STOX2: variants seen among roughly 807,000 people sequenced by gnomAD.
STOX2 encodes the protein storkhead box 2.
In STOX2, 28 loss-of-function variants were observed where a neutral mutation model predicts 60.9. The observed-to-expected ratio is 0.46, with a 90% CI of 0.34 to 0.63. The LOEUF is 0.63. Ranked by LOEUF, STOX2 falls within the 30% of genes least tolerant of loss-of-function variation. The pLI is 0.01. For synonymous variants in STOX2, 472 were observed against 463.9 expected, an observed-to-expected ratio of 1.02 and a Z score of -0.22; for missense variants, 1,024 against 1,187.7, an observed-to-expected ratio of 0.86 and a Z score of 2.03.
chr4:184,018,200 A>G lies in STOX2; in HGVS notation c.*916A>G, dbSNP rs1235836714. Reference sequence around the variant, plus strand: ...GACCCTATCTTACTCTAATAGATACAATAATTAGTTTGTTTAAAAGCAAAA... The same window carrying G: ...GACCCTATCTTACTCTAATAGATACGATAATTAGTTTGTTTAAAAGCAAAA... On this transcript the variant is annotated 3_prime_UTR_variant, in exon 4 of 4. Coordinates refer to ENST00000308497, the MANE Select transcript of STOX2 (RefSeq NM_020225.3). The G allele has an allele frequency of 6.6e-6, 1 of 152,238 alleles. No individual in the cohort carries two copies. Among genetic ancestry groups the G allele is most frequent in the Non-Finnish European group, 1.5e-5 (1 of 68,048 alleles). 9.4% of individuals were successfully genotyped at this position (152,238 alleles called of 1,614,324 possible).
intron 1 of STOX2, among the ~76,000 whole-genome samples, chr4:183,805,677 G>T (rs924427077): frequency 2.6e-5 from 4 of 152,208 alleles, no homozygotes; most frequent in Admixed American, 6.5e-5. Flanking sequence ...GCTGAGCATG[G>T]TGCTGTGTGA....
chr4:183,880,145 A>G (rs892088498), intron 1 of STOX2, among the ~76,000 whole-genome samples: 34 of 151,820 alleles, frequency 2.2e-4, no homozygotes, highest in African/African-American at 8.2e-4. Flanking sequence ...TGCCCAGCTA[A>G]TTTTTGTATT....
intron 1 of STOX2, among the ~76,000 whole-genome samples, chr4:183,827,311 A>G (rs1489097081): frequency 6.6e-6 from 1 of 152,170 alleles, no homozygotes; most frequent in African/African-American, 2.4e-5. Flanking sequence ...TAGCCTGGGC[A>G]ACACAGCAAG....
At chr4:183,989,183 T>G (rs77175152) in intron 1 of STOX2, among the ~76,000 whole-genome samples, 52,560 of 116,860 alleles carry the variant, frequency 0.45, 10,143 homozygotes, top group African/African-American at 0.57. Flanking sequence ...TTTTTTTTTT[T>G]TTTTTTTTTT....
chr4:183,973,022 T>C (rs116095897), intron 1 of STOX2, among the ~76,000 whole-genome samples: 4,366 of 151,954 alleles, frequency 0.029, 78 homozygotes, highest in Admixed American at 0.064. Context: ...GACTTGAAGA[T>C]AGAGCAATAG....
In STOX2 at chr4:183,856,356, AC is replaced by A. The variant is rs1740286366; in HGVS notation, c.364+58302del. Among the ~76,000 whole-genome samples the A allele has an allele frequency of 6.6e-6, 1 of 152,252 alleles. No individual in the cohort carries two copies. The highest frequency in any genetic ancestry group is 2.4e-5 in the African/African-American group (1 of 41,470). ...AGAAGAGCACCCTTCAGGAGAACAG[AC>A]GCAAATACGCACAAACAGTTGCAAA... On this transcript the variant is annotated intron_variant, in intron 1 of 2. Transcript: ENST00000513034. This position sits in a 1 kb window ranked among gnomAD's most constrained non-coding sequence, Gnocchi z 4.0.
At chr4:183,830,834 G>C (rs886102543) in intron 1 of STOX2, among the ~76,000 whole-genome samples, 5 of 152,174 alleles carry the variant, frequency 3.3e-5, no homozygotes, top group Non-Finnish European at 7.3e-5. Flanking sequence ...ACCAATAGGG[G>C]AAGACTGGGG....
intron 1 of STOX2, among the ~76,000 whole-genome samples, chr4:183,888,052 C>A (rs1560864756): frequency 2.0e-5 from 3 of 152,148 alleles, no homozygotes; most frequent in Admixed American, 1.3e-4. Context: ...CTGCGCCTGG[C>A]CCTGGTGCTC....
intron 1 of STOX2, among the ~76,000 whole-genome samples, chr4:183,962,471 A>C (rs1451066427): frequency 6.6e-6 from 1 of 152,252 alleles, no homozygotes; most frequent in African/African-American, 2.4e-5. Context: ...AAGATTAAGT[A>C]GAAGTGAAAG....
At chr4:183,808,414 G>T (rs1330571678) in intron 1 of STOX2, among the ~76,000 whole-genome samples, 1 of 152,162 alleles carries the variant, frequency 6.6e-6, no homozygotes, top group Admixed American at 6.5e-5. Context: ...ATATAGAACC[G>T]CAGAGACGGG....
chr4:183,938,464 T>C (rs1742649942), intron 1 of STOX2, among the ~76,000 whole-genome samples: 6 of 151,882 alleles, frequency 4.0e-5, no homozygotes, highest in Admixed American at 3.9e-4. Flanking sequence ...AAGTCAGGAG[T>C]TTGAGACCAG....
At chr4:183,910,275 C>T (rs4862265) in intron 1 of STOX2, among the ~76,000 whole-genome samples, 76,621 of 152,036 alleles carry the variant, frequency 0.5, 20,359 homozygotes, top group Non-Finnish European at 0.59. Context: ...GTAGAAGTTA[C>T]GATATTAATG....
chr4:183,900,972 C>T (rs751135904), upstream of STOX2, among the ~76,000 whole-genome samples: 1 of 152,174 alleles, frequency 6.6e-6, no homozygotes, highest in African/African-American at 2.4e-5. Context: ...TAACATTATG[C>T]ATCCATTACG....
At chr4:183,902,612 T>C (rs1741486922), upstream of STOX2, among the ~76,000 whole-genome samples, 1 of 152,090 alleles carries the variant, frequency 6.6e-6, no homozygotes, top group Non-Finnish European at 1.5e-5. Context: ...ATGACCAGAG[T>C]GACTCTTTCC....
chr4:183,835,354 G>C (rs1739680265), intron 1 of STOX2, among the ~76,000 whole-genome samples: 1 of 151,494 alleles, frequency 6.6e-6, no homozygotes, highest in African/African-American at 2.4e-5. Flanking sequence ...TTCCCGAGTA[G>C]CTGGGACTAC....
At chr4:183,939,770 C>G (rs1560893954) in intron 1 of STOX2, among the ~76,000 whole-genome samples, 1 of 152,078 alleles carries the variant, frequency 6.6e-6, no homozygotes, top group African/African-American at 2.4e-5. Flanking sequence ...GGATGTGCTT[C>G]TTAACTTCTC....
chr4:183,914,768 T>A (rs976529019), intron 1 of STOX2, among the ~76,000 whole-genome samples: 1 of 152,188 alleles, frequency 6.6e-6, no homozygotes, highest in East Asian at 1.9e-4. Flanking sequence ...AGAGCCCTCC[T>A]TGGGTTTCTG....
chr4:183,961,053 T>C (rs1209727896), intron 1 of STOX2, among the ~76,000 whole-genome samples: 1 of 152,110 alleles, frequency 6.6e-6, no homozygotes, highest in Non-Finnish European at 1.5e-5. Flanking sequence ...TCTCCAGGGT[T>C]TTGTCGGTTG....
chr4:183,846,292 A>G (rs181113564), intron 1 of STOX2, among the ~76,000 whole-genome samples: 6 of 152,280 alleles, frequency 3.9e-5, no homozygotes, highest in African/African-American at 1.4e-4. Flanking sequence ...TGAATTTATC[A>G]TGCTTGGAGT....
Sources: gnomAD v4.1 joint callset for allele counts (sites outside exome capture counted in the v4.1 genomes callset) on GRCh38, gnomAD v4.1.1 for gene constraint, Gnocchi (gnomAD v3.1) non-coding constraint, MANE v1.5 for transcripts, NCBI Gene and HGNC (gene_info 2026-07-23, HGNC 2026-07-21) for gene names.